FAM81A: variants seen among roughly 807,000 people sequenced by gnomAD.
The protein encoded by FAM81A is protein FAM81A.
FAM81A carries 19 observed loss-of-function variants against 46.7 expected under a neutral mutation model. The ratio of observed to expected loss-of-function variants is 0.41; its 90% CI spans 0.28 to 0.60. The LOEUF (loss-of-function observed/expected upper bound fraction) is 0.60. FAM81A is among the 20% of genes least tolerant of loss of function. The pLI is 0.34. For missense variants in FAM81A, 377 were observed against 453.5 expected (o/e 0.83, Z 1.53); for synonymous variants, 183 against 152.9 (o/e 1.20, Z -1.45).
intron 2 of FAM81A, among the ~76,000 whole-genome samples, chr15:59,414,960 C>T (rs149305649): frequency 3.8e-4 from 57 of 151,676 alleles, no homozygotes; most frequent in East Asian, 1.2e-3. Context: ...GGACTACAGG[C>T]GTCCGCCACA....
chr15:59,439,129 T>TGTGTGCGC (rs1357492814), intron 1 of FAM81A: 1 of 149,340 alleles, frequency 6.7e-6, no homozygotes. Context: ...TGTGTGTGCG[T>TGTGTGCGC]GTGTGCGCGT....
chr15:59,416,516 A>G (rs1420082312), intron 2 of FAM81A, among the ~76,000 whole-genome samples: 3 of 152,172 alleles, frequency 2.0e-5, no homozygotes, highest in African/African-American at 4.8e-5. Flanking sequence ...TTGAGGTGTC[A>G]AGTCTTCCCA....
chr15:59,411,512 C>T (rs1480449775), intron 2 of FAM81A, among the ~76,000 whole-genome samples: 1 of 152,188 alleles, frequency 6.6e-6, no homozygotes, highest in Non-Finnish European at 1.5e-5. Flanking sequence ...AAACTCAGCA[C>T]AGCTGCACCC....
chr15:59,430,303 C>A (rs892377905), intron 2 of FAM81A, among the ~76,000 whole-genome samples: 6 of 122,722 alleles, frequency 4.9e-5, no homozygotes, highest in African/African-American at 1.6e-4. Flanking sequence ...CTTGCTCTGT[C>A]ACCCAAGCTG....
chr15:59,484,697 G>A (rs532754842), intron 3 of FAM81A, among the ~76,000 whole-genome samples: 45 of 152,336 alleles, frequency 3.0e-4, no homozygotes, highest in African/African-American at 8.2e-4. Context: ...TTTCACAGCC[G>A]TGGTGGCTGT....
intron 2 of FAM81A, 118 bp from the exon 3 acceptor site, chr15:59,459,815 C>T (rs1444907182): frequency 2.9e-5 from 40 of 1,370,758 alleles, no homozygotes; most frequent in Middle Eastern, 2.3e-4. Flanking sequence ...CTGCCTCAAA[C>T]CCTATTTAGC....
At chr15:59,496,106 G>A (rs926718897) in intron 4 of FAM81A, among the ~76,000 whole-genome samples, 3 of 152,118 alleles carry the variant, frequency 2.0e-5, no homozygotes, top group Admixed American at 6.6e-5. Context: ...AGGTCACAAA[G>A]ATTTATGCCT....
chr15:59,398,737 A>AGAGTGAG (rs2081057391), intron 1 of FAM81A, among the ~76,000 whole-genome samples: 1 of 139,238 alleles, frequency 7.2e-6, no homozygotes, highest in Non-Finnish European at 1.6e-5. Context: ...CAGCCTGGGC[A>AGAGTGAG]ACAGAGTGAG....
intron 3 of FAM81A, among the ~76,000 whole-genome samples, chr15:59,463,578 C>T (rs754795511): frequency 6.6e-6 from 1 of 152,014 alleles, no homozygotes; most frequent in East Asian, 1.9e-4. Context: ...TGCAGTGGCT[C>T]ACACCTGTAA....
At chr15:59,502,485 CTGTGTGTGTGTGTGTGTG>C (rs71119478) in intron 4 of FAM81A, among the ~76,000 whole-genome samples, 10 of 138,206 alleles carry the variant, frequency 7.2e-5, no homozygotes, top group Non-Finnish European at 1.1e-4. Flanking sequence ...GTTGACTTCA[CTGTGTGTGTGTGTGTGTG>C]TGTGTGTGTG....
chr15:59,422,664 G>A (rs576091407), intron 2 of FAM81A, among the ~76,000 whole-genome samples: 1 of 152,124 alleles, frequency 6.6e-6, no homozygotes, highest in South Asian at 2.1e-4. Context: ...TTTTAGTAGA[G>A]ACGGGGTTTC....
intron 2 of FAM81A, among the ~76,000 whole-genome samples, chr15:59,410,759 G>A (rs1188317321): frequency 1.3e-5 from 2 of 152,206 alleles, no homozygotes; most frequent in Non-Finnish European, 1.5e-5. Flanking sequence ...CTTTGAGACA[G>A]TGTCTTGCTC....
At chr15:59,497,314 T>G (rs1398159081) in intron 4 of FAM81A, among the ~76,000 whole-genome samples, 1 of 150,850 alleles carries the variant, frequency 6.6e-6, no homozygotes, top group Non-Finnish European at 1.5e-5. Context: ...GGTGTGGTAG[T>G]GGCCACCTGT....
In FAM81A at chr15:59,521,315, G is replaced by A. The variant is rs2082325678; in HGVS notation, c.1044G>A (p.Lys348=). The change falls in exon 9 of 9, where the codon AAG becomes AAA. Residue 348 remains lysine, a synonymous_variant. Transcript: ENST00000288228. ...SLRQVLEAKM[K]LDRDQLQKQI... Reference sequence around the variant, plus strand: ...GGCAAGTTCTCGAGGCCAAGATGAAGCTGGACAGGGACCAGCTACAGAAGC... The same window carrying A: ...GGCAAGTTCTCGAGGCCAAGATGAAACTGGACAGGGACCAGCTACAGAAGC... The A allele has an allele frequency of 1.2e-6, 2 of 1,613,772 alleles. No individual in the cohort carries two copies. Among genetic ancestry groups the A allele is most frequent in the Non-Finnish European group, 1.7e-6 (2 of 1,179,854 alleles).
intron 2 of FAM81A, chr15:59,408,898 G>A (rs1236785573): frequency 6.6e-6 from 1 of 152,154 alleles, no homozygotes; most frequent in African/African-American, 2.4e-5. Context: ...ATTTAAAAAT[G>A]TAATCTGGCT....
At chr15:59,511,584 C>G (rs1292859065) in intron 6 of FAM81A, among the ~76,000 whole-genome samples, 1 of 152,152 alleles carries the variant, frequency 6.6e-6, no homozygotes, top group Non-Finnish European at 1.5e-5. Context: ...TGTTCAGACC[C>G]TAGAGAAATT....
intron 1 of FAM81A, among the ~76,000 whole-genome samples, chr15:59,449,597 C>A (rs566353814): frequency 2.0e-5 from 3 of 152,056 alleles, no homozygotes; most frequent in Non-Finnish European, 4.4e-5. Flanking sequence ...CTGGCTAACA[C>A]AGTGAAACCC....
chr15:59,491,527 CAAT>C (rs1332893468), intron 3 of FAM81A, among the ~76,000 whole-genome samples: 2 of 151,540 alleles, frequency 1.3e-5, no homozygotes, highest in Non-Finnish European at 2.9e-5. Flanking sequence ...TGACTGTAGT[CAAT>C]AATAATTTAA....
intron 3 of FAM81A, among the ~76,000 whole-genome samples, chr15:59,474,209 T>C (rs2081736600): frequency 6.6e-6 from 1 of 152,230 alleles, no homozygotes. Context: ...GTCTTCCTCA[T>C]CTTTGCATTG....
Sources: gnomAD v4.1 joint callset for allele counts (sites outside exome capture counted in the v4.1 genomes callset) on GRCh38, gnomAD v4.1.1 for gene constraint, MANE v1.5 for transcripts, NCBI Gene and HGNC (gene_info 2026-07-23, HGNC 2026-07-21) for gene names.